The following HERPUD2 variants were observed in gnomAD, a reference collection of about 807,000 sequenced individuals.
HERPUD2 encodes the protein HERPUD family member 2, also known as homocysteine-responsive endoplasmic reticulum-resident ubiquitin-like domain member 2 protein.
A neutral mutation model predicts 49.9 loss-of-function variants in HERPUD2; 13 were observed. That is an observed-to-expected ratio of 0.26 (90% confidence interval 0.17 to 0.41). The LOEUF (loss-of-function observed/expected upper bound fraction) is 0.41. HERPUD2 is among the 10% of genes least tolerant of loss of function. HERPUD2 has a pLI of 1.00. For synonymous variants in HERPUD2, 172 were observed against 171.4 expected (o/e 1.00, Z -0.03); for missense variants, 449 against 492.2 (o/e 0.91, Z 0.83).
intron 5 of HERPUD2, among the ~76,000 whole-genome samples, chr7:35,660,617 G>A (rs1386707675): frequency 6.6e-6 from 1 of 152,068 alleles, no homozygotes; most frequent in South Asian, 2.1e-4. Context: ...TTTGCATTTC[G>A]CTGATGGTCA....
intron 5 of HERPUD2, among the ~76,000 whole-genome samples, chr7:35,665,173 A>G (rs1169196616): frequency 6.6e-6 from 1 of 152,172 alleles, no homozygotes; most frequent in African/African-American, 2.4e-5. Flanking sequence ...AAGTCTGCAG[A>G]AGTTTCTGCT....
At chr7:35,674,570 T>C (rs562131969) in intron 2 of HERPUD2, among the ~76,000 whole-genome samples, 1 of 151,906 alleles carries the variant, frequency 6.6e-6, no homozygotes, top group East Asian at 1.9e-4. Context: ...TGAGTATCTT[T>C]AGTGTGCTAA....
intron 4 of HERPUD2, among the ~76,000 whole-genome samples, chr7:35,667,880 G>A (rs1785570009): frequency 1.3e-5 from 2 of 152,106 alleles, no homozygotes; most frequent in African/African-American, 2.4e-5. Context: ...TTAAGTTAAT[G>A]CATAAAAAGC....
chr7:35,633,006 T>G lies in HERPUD2; in HGVS notation c.*684A>C, dbSNP rs2115805654. On this transcript the variant is annotated 3_prime_UTR_variant, in exon 9 of 9. Transcript: ENST00000311350. ...ATAATTCACGGAAAACAGATATATCTATTCAAATTAAACATTAAAGGGCCA... is the reference window on the plus strand; with the variant it reads ...ATAATTCACGGAAAACAGATATATCGATTCAAATTAAACATTAAAGGGCCA... The G allele has an allele frequency of 6.6e-6, 1 of 152,284 alleles. No individual in the cohort carries two copies. The highest frequency in any genetic ancestry group is 1.9e-4 in the East Asian group (1 of 5,180). 9.4% of individuals were successfully genotyped at this position (152,284 alleles called of 1,614,324 possible). A position where few individuals can be genotyped will look rare whatever the true frequency, so the allele number is the denominator to read the frequency against.
chr7:35,655,847 C>CAAATGTTTGTTT (rs1262310906), intron 5 of HERPUD2, among the ~76,000 whole-genome samples: 18 of 152,146 alleles, frequency 1.2e-4, no homozygotes. Context: ...CATTTTTACA[C>CAAATGTTTGTTT]ACCAAAAACA....
At chr7:35,681,499 G>T (rs1034394054) in intron 2 of HERPUD2, among the ~76,000 whole-genome samples, 12 of 152,084 alleles carry the variant, frequency 7.9e-5, no homozygotes, top group Non-Finnish European at 1.5e-4. Context: ...GAAAACATAT[G>T]TGCACATAAA....
intron 2 of HERPUD2, among the ~76,000 whole-genome samples, chr7:35,689,314 C>A (rs1359208662): frequency 6.6e-6 from 1 of 152,100 alleles, no homozygotes; most frequent in Non-Finnish European, 1.5e-5. Flanking sequence ...GTTTTAAAAT[C>A]TTGAACTATA....
At chr7:35,667,378 C>A in intron 5 of HERPUD2, 56 bp downstream of exon 5, 1 of 1,497,982 alleles carries the variant, frequency 6.7e-7, no homozygotes, top group South Asian at 1.2e-5. Flanking sequence ...AACTCAAAAG[C>A]AATTCATTTT....
chr7:35,654,474 C>T (rs1785232542), intron 5 of HERPUD2, among the ~76,000 whole-genome samples: 2 of 151,312 alleles, frequency 1.3e-5, no homozygotes, highest in Admixed American at 1.3e-4. Context: ...CACACTAATA[C>T]ATTAGAAAAC....
At chr7:35,670,119 T>C in intron 4 of HERPUD2, 96 bp downstream of exon 4, 2 of 533,568 alleles carry the variant, frequency 3.7e-6, no homozygotes, top group Non-Finnish European at 6.6e-6. Context: ...CAAGCTCCAA[T>C]TGTTCTGTTT....
intron 5 of HERPUD2, among the ~76,000 whole-genome samples, chr7:35,653,630 C>CCTT (rs2115889813): frequency 6.6e-6 from 1 of 151,972 alleles, no homozygotes; most frequent in African/African-American, 2.4e-5. Context: ...AGCCCATGGA[C>CCTT]CATTCTCCAG....
chr7:35,676,216 G>A (rs1283004476), intron 2 of HERPUD2, among the ~76,000 whole-genome samples: 1 of 152,138 alleles, frequency 6.6e-6, no homozygotes, highest in Non-Finnish European at 1.5e-5. Flanking sequence ...GGCTATTTAT[G>A]TGTTGAAGAA....
intron 5 of HERPUD2, among the ~76,000 whole-genome samples, chr7:35,659,737 T>C (rs575271254): frequency 1.2e-3 from 182 of 152,294 alleles, no homozygotes; most frequent in African/African-American, 4.3e-3. Flanking sequence ...AAAAATAAAA[T>C]ATAATTCATC....
intron 5 of HERPUD2, among the ~76,000 whole-genome samples, chr7:35,661,984 C>A (rs952050178): frequency 1.3e-5 from 2 of 152,108 alleles, no homozygotes; most frequent in Non-Finnish European, 2.9e-5. Context: ...CAGTTTTTGC[C>A]CATTCAGTAT....
chr7:35,666,276 T>C (rs930826633), intron 5 of HERPUD2, among the ~76,000 whole-genome samples: 1 of 152,234 alleles, frequency 6.6e-6, no homozygotes, highest in African/African-American at 2.4e-5. Flanking sequence ...CATCTAAACA[T>C]TTATTTTGAA....
chr7:35,660,775 T>C (rs1489405897), intron 5 of HERPUD2, among the ~76,000 whole-genome samples: 4 of 152,242 alleles, frequency 2.6e-5, no homozygotes, highest in African/African-American at 7.2e-5. Flanking sequence ...ATTCTGGATA[T>C]TAGCCCTTTG....
chr7:35,683,019 G>A (rs1339982978), intron 2 of HERPUD2, among the ~76,000 whole-genome samples: 2 of 152,022 alleles, frequency 1.3e-5, no homozygotes, highest in African/African-American at 4.8e-5. Context: ...CAAATTCAAC[G>A]CAATTCCCAT....
Position 35,694,283 on chromosome 7 carries a change from T to G in HERPUD2, c.48A>C (p.Ala16=). The stretch of plus-strand genomic sequence containing the variant: ...TCTGGTCACTGTATTTCTGATTCGG[T>G]GCTTTAATGATGAGGGTCACAGGAA... ...MEIPVTLIIK[A]PNQKYSDQTI... The change falls in exon 2 of 9, where the codon GCA becomes GCC. Residue 16 remains alanine, a synonymous_variant. Coordinates refer to ENST00000311350, the MANE Select transcript of HERPUD2 (RefSeq NM_022373.5). The G allele has an allele frequency of 6.2e-7, 1 of 1,614,106 alleles. No homozygotes were observed. Among genetic ancestry groups the G allele is most frequent in the Non-Finnish European group, 8.5e-7 (1 of 1,179,986 alleles).
chr7:35,670,180 A>G (rs748251563), intron 4 of HERPUD2, 35 bp downstream of exon 4: 31 of 1,071,650 alleles, frequency 2.9e-5, no homozygotes, highest in Non-Finnish European at 1.4e-6. Flanking sequence ...AAAAAAAAGA[A>G]AAGTTCAATG....
Sources: gnomAD v4.1 joint callset for allele counts (sites outside exome capture counted in the v4.1 genomes callset) on GRCh38, gnomAD v4.1.1 for gene constraint, MANE v1.5 for transcripts, NCBI Gene and HGNC (gene_info 2026-07-23, HGNC 2026-07-21) for gene names.